The following KCNJ6 variants were observed in gnomAD, a reference collection of about 807,000 sequenced individuals.
KCNJ6 encodes the protein G protein-activated inward rectifier potassium channel 2.
KCNJ6 carries 9 observed loss-of-function variants against 34.2 expected under a neutral mutation model. The ratio of observed to expected loss-of-function variants is 0.26; its 90% CI spans 0.16 to 0.46. KCNJ6 has a LOEUF of 0.46. KCNJ6 is among the 20% of genes least tolerant of loss of function. The pLI is 1.00. For synonymous variants in KCNJ6, 196 were observed against 207.1 expected, an observed-to-expected ratio of 0.95 and a Z score of 0.46; for missense variants, 236 against 531.3, an observed-to-expected ratio of 0.44 and a Z score of 5.46.
intron 2 of KCNJ6, among the ~76,000 whole-genome samples, chr21:37,741,258 G>A (rs568227400): frequency 3.6e-4 from 55 of 152,280 alleles, no homozygotes; most frequent in African/African-American, 1.3e-3. Flanking sequence ...TGTCCCTGAA[G>A]AGTCCCCCCA....
chr21:37,710,701 C>T (rs1255591970), intron 3 of KCNJ6, among the ~76,000 whole-genome samples: 1 of 152,180 alleles, frequency 6.6e-6, no homozygotes, highest in East Asian at 1.9e-4. Flanking sequence ...GCCCATTTGC[C>T]CTCTATAAAT....
chr21:37,822,235 C>A (rs904431539), intron 2 of KCNJ6, among the ~76,000 whole-genome samples: 30 of 152,262 alleles, frequency 2.0e-4, no homozygotes, highest in African/African-American at 6.7e-4. Context: ...TTGCAGACAC[C>A]ATTTCACAAT....
chr21:37,673,815 A>T (rs901701758), intron 3 of KCNJ6, among the ~76,000 whole-genome samples: 1 of 152,180 alleles, frequency 6.6e-6, no homozygotes, highest in African/African-American at 2.4e-5. Flanking sequence ...GATCAGGCAA[A>T]CCAGTGGAGG....
At chr21:37,895,404 G>T (rs1186703894) in intron 1 of KCNJ6, among the ~76,000 whole-genome samples, 2 of 152,210 alleles carry the variant, frequency 1.3e-5, no homozygotes, top group African/African-American at 4.8e-5. Flanking sequence ...AGTGGGAGAA[G>T]TATGACCAGA....
intron 2 of KCNJ6, among the ~76,000 whole-genome samples, chr21:37,725,422 G>C (rs2054849340): frequency 6.6e-6 from 1 of 152,066 alleles, no homozygotes; most frequent in South Asian, 2.1e-4. Context: ...CATATAAAAA[G>C]ACTGTCCATC....
intron 1 of KCNJ6, among the ~76,000 whole-genome samples, chr21:37,880,761 C>T (rs527267242): frequency 7.9e-5 from 12 of 152,276 alleles, no homozygotes; most frequent in African/African-American, 2.4e-4. Context: ...GCTTTCCAGG[C>T]GTGAAGCATA....
At chr21:37,881,380 C>T (rs1436816387) in intron 1 of KCNJ6, among the ~76,000 whole-genome samples, 1 of 152,056 alleles carries the variant, frequency 6.6e-6, no homozygotes, top group African/African-American at 2.4e-5. Flanking sequence ...GAACTGTTGG[C>T]AGGGGTCAGT....
intron 2 of KCNJ6, among the ~76,000 whole-genome samples, chr21:37,767,385 A>C (rs576513336): frequency 3.7e-4 from 56 of 152,302 alleles, no homozygotes; most frequent in African/African-American, 1.3e-3. Context: ...GGTACGTAGG[A>C]TCTGCAAGGG....
intron 3 of KCNJ6, among the ~76,000 whole-genome samples, chr21:37,631,840 C>A (rs2054335022): frequency 6.6e-6 from 1 of 152,196 alleles, no homozygotes; most frequent in Admixed American, 6.5e-5. Context: ...GCCCTGAGTG[C>A]AGCCTTTGTC....
At chr21:37,885,048 G>A (rs993744500) in intron 1 of KCNJ6, among the ~76,000 whole-genome samples, 50 of 152,144 alleles carry the variant, frequency 3.3e-4, no homozygotes, top group African/African-American at 1.1e-3. Flanking sequence ...TCTGAGCACT[G>A]TAGATGGTTC....
intron 2 of KCNJ6, among the ~76,000 whole-genome samples, chr21:37,770,352 A>G (rs968102744): frequency 2.6e-5 from 4 of 151,336 alleles, no homozygotes; most frequent in Non-Finnish European, 5.9e-5. Context: ...ACTCTAAAAG[A>G]ACTGCATGAT....
At chr21:37,672,202 A>G (rs1324982015) in intron 3 of KCNJ6, among the ~76,000 whole-genome samples, 2 of 152,116 alleles carry the variant, frequency 1.3e-5, no homozygotes, top group Non-Finnish European at 2.9e-5. Flanking sequence ...TGGGTCGGAA[A>G]TGGCATATGA....
Position 37,607,463 on chromosome 21 carries a change from G to GATATATATATATATATATATATAT in KCNJ6, c.*17695_*17696insATATATATATATATATATATATAT, listed in dbSNP as rs34826537. On this transcript the variant is annotated 3_prime_UTR_variant, in exon 4 of 4. Transcript: ENST00000609713. ...TTCCCTAACACAGCGAGTTCTTAAA[G>GATATATATATATATATATATATAT]ATATATATATATATATATATTTTTT... The GATATATATATATATATATATATAT allele has an allele frequency of 5.8e-4, 74 of 128,692 alleles. No individual in the cohort carries two copies. Among genetic ancestry groups the GATATATATATATATATATATATAT allele is most frequent in the East Asian group, 3.9e-3 (15 of 3,892 alleles). 8.0% of individuals were successfully genotyped at this position (128,692 alleles called of 1,614,324 possible). A position where few individuals can be genotyped will look rare whatever the true frequency, so the allele number is the denominator to read the frequency against.
chr21:37,782,792 C>T (rs861416), intron 2 of KCNJ6, among the ~76,000 whole-genome samples: 4,295 of 152,276 alleles, frequency 0.028, 86 homozygotes, highest in Non-Finnish European at 0.041. Flanking sequence ...GGATATTTAT[C>T]TACACTCAGG....
At chr21:37,701,570 G>C (rs921273687) in intron 3 of KCNJ6, among the ~76,000 whole-genome samples, 1 of 152,178 alleles carries the variant, frequency 6.6e-6, no homozygotes. Context: ...TGGGTACTGA[G>C]AGGATAGCAA....
At chr21:37,698,698 A>ATTT (rs112756247) in intron 3 of KCNJ6, among the ~76,000 whole-genome samples, 4 of 140,530 alleles carry the variant, frequency 2.8e-5, no homozygotes, top group Non-Finnish European at 4.6e-5. Context: ...TGCCCAGGTA[A>ATTT]TTTTTTTTTT....
intron 1 of KCNJ6, among the ~76,000 whole-genome samples, chr21:37,848,441 C>T (rs1347374952): frequency 3.3e-5 from 5 of 152,068 alleles, no homozygotes; most frequent in Non-Finnish European, 7.4e-5. Context: ...GCTAGGCAGG[C>T]CATGTAGGAT....
At chr21:37,673,138 C>T (rs546784407) in intron 3 of KCNJ6, among the ~76,000 whole-genome samples, 25 of 152,240 alleles carry the variant, frequency 1.6e-4, no homozygotes, top group Non-Finnish European at 2.5e-4. Context: ...TGAGAGGAGA[C>T]GGGGACAGGT....
intron 2 of KCNJ6, among the ~76,000 whole-genome samples, chr21:37,810,371 G>T (rs1382883164): frequency 2.0e-5 from 3 of 152,140 alleles, no homozygotes; most frequent in African/African-American, 7.2e-5. Flanking sequence ...TACATCTCTT[G>T]GTGCAACTGG....
Sources: gnomAD v4.1 joint callset for allele counts (sites outside exome capture counted in the v4.1 genomes callset) on GRCh38, gnomAD v4.1.1 for gene constraint, MANE v1.5 for transcripts, NCBI Gene and HGNC (gene_info 2026-07-23, HGNC 2026-07-21) for gene names.